Variants in MACROD2 observed in about 807,000 individuals in gnomAD.
MACROD2 encodes the protein ADP-ribose glycohydrolase MACROD2.
A neutral mutation model predicts 70.4 loss-of-function variants in MACROD2; 36 were observed. The ratio of observed to expected loss-of-function variants is 0.51; its 90% CI spans 0.39 to 0.68. The LOEUF is 0.68. Among genes scored for constraint, MACROD2 ranks in the 30% least tolerant of loss-of-function variants. The pLI is 0.00. For missense variants in MACROD2, 496 were observed against 538.4 expected, an observed-to-expected ratio of 0.92 and a Z score of 0.78; for synonymous variants, 172 against 178.8, an observed-to-expected ratio of 0.96 and a Z score of 0.30.
chr20:14,294,635 A>T (rs1291212438), intron 3 of MACROD2, among the ~76,000 whole-genome samples: 1 of 151,830 alleles, frequency 6.6e-6, no homozygotes, highest in East Asian at 1.9e-4. Context: ...CTACGGCATA[A>T]CGTGTATATC....
intron 5 of MACROD2, among the ~76,000 whole-genome samples, chr20:15,171,986 T>C (rs1432262674): frequency 6.6e-6 from 1 of 152,194 alleles, no homozygotes; most frequent in Non-Finnish European, 1.5e-5. Flanking sequence ...AAAAAATGAA[T>C]GAATGAATAC....
At chr20:14,687,563 A>T (rs2071016774) in intron 5 of MACROD2, among the ~76,000 whole-genome samples, 1 of 152,194 alleles carries the variant, frequency 6.6e-6, no homozygotes, top group Non-Finnish European at 1.5e-5. Context: ...TTTCATGGGC[A>T]TCCTGGGGCA....
intron 5 of MACROD2, among the ~76,000 whole-genome samples, chr20:14,833,133 A>G (rs1241198868): frequency 6.6e-6 from 1 of 152,190 alleles, no homozygotes; most frequent in Non-Finnish European, 1.5e-5. Flanking sequence ...AAGTGTAAAT[A>G]GCCATATATA....
At chr20:14,669,081 A>C (rs2070767488) in intron 4 of MACROD2, among the ~76,000 whole-genome samples, 1 of 152,194 alleles carries the variant, frequency 6.6e-6, no homozygotes, top group Non-Finnish European at 1.5e-5. Flanking sequence ...TTATTTCTTC[A>C]TGTGACAATC....
intron 2 of MACROD2, among the ~76,000 whole-genome samples, chr20:14,063,578 A>T (rs780225943): frequency 9.9e-5 from 15 of 152,162 alleles, no homozygotes; most frequent in African/African-American, 3.6e-4. Flanking sequence ...ACTTAACATA[A>T]ACTTTGTTTA....
At chr20:14,340,579 T>A (rs2083003007) in intron 3 of MACROD2, among the ~76,000 whole-genome samples, 1 of 152,084 alleles carries the variant, frequency 6.6e-6, no homozygotes, top group Non-Finnish European at 1.5e-5. Context: ...GAGCATTTCA[T>A]TGATTTTTTT....
intron 5 of MACROD2, among the ~76,000 whole-genome samples, chr20:15,030,664 G>T (rs1457427204): frequency 1.4e-5 from 2 of 148,084 alleles, no homozygotes; most frequent in East Asian, 1.9e-4. Flanking sequence ...TAGATAGATA[G>T]ACAGATAGAT....
At chr20:15,349,088 T>C (rs1189235985) in intron 6 of MACROD2, among the ~76,000 whole-genome samples, 2 of 152,224 alleles carry the variant, frequency 1.3e-5, no homozygotes, top group Non-Finnish European at 2.9e-5. Context: ...AATTTTAGCA[T>C]GCACCCAGAT....
intron 8 of MACROD2, among the ~76,000 whole-genome samples, chr20:15,833,218 T>C (rs1342515793): frequency 6.6e-6 from 1 of 152,176 alleles, no homozygotes; most frequent in African/African-American, 2.4e-5. Context: ...AATTGATGGC[T>C]GAAAATAGAA....
intron 7 of MACROD2, among the ~76,000 whole-genome samples, chr20:15,436,497 CTACAGGAGGAGATT>C (rs947792142): frequency 3.3e-5 from 5 of 151,978 alleles, no homozygotes; most frequent in African/African-American, 1.2e-4. Flanking sequence ...ATTATGGGAG[CTACAGGAGGAGATT>C]TGGGTGGGGA....
Position 14,146,727 on chromosome 20 carries a change from A to G in MACROD2, c.271+60999A>G, listed in dbSNP as rs144425070. Among the ~76,000 whole-genome samples the G allele has an allele frequency of 1.7e-4, 26 of 152,336 alleles. No homozygotes were observed. In the East Asian group the frequency reaches 4.3e-3, roughly 25 times the overall value. ...TAAAAGATGGATTGATACTTCTTTC[A>G]TCCTATCAGCCTTTTAGATTGATAG... On this transcript the variant is annotated intron_variant, in intron 3 of 17. Transcript: ENST00000684519.
chr20:14,814,575 G>A (rs1474172164), intron 5 of MACROD2, among the ~76,000 whole-genome samples: 1 of 152,000 alleles, frequency 6.6e-6, no homozygotes, highest in Admixed American at 6.6e-5. Flanking sequence ...CATCAGTAGA[G>A]AGAAATGGGT....
rs957041252 is a variant in MACROD2, at chr20:15,065,394, G to A, written c.419-164546G>A. 1.2e-4 allele frequency among the ~76,000 whole-genome samples: 19 copies of A among 152,188 alleles called. 1 individual carries two copies. The highest frequency in any genetic ancestry group is 3.9e-4 in the African/African-American group (16 of 41,530). On this transcript the variant is annotated intron_variant, in intron 5 of 17. Coordinates refer to ENST00000684519, the MANE Select transcript of MACROD2 (RefSeq NM_001351661.2). ...AAGTAGGCAGGGCGCGGTGGCTCACGCCTGTAATCCCAGCACTTTGGGAGG... is the reference window on the plus strand; with the variant it reads ...AAGTAGGCAGGGCGCGGTGGCTCACACCTGTAATCCCAGCACTTTGGGAGG...
chr20:15,111,380 C>G lies in MACROD2; in HGVS notation c.419-118560C>G, dbSNP rs570004437. Among the ~76,000 whole-genome samples the G allele has an allele frequency of 4.6e-5, 7 of 152,168 alleles. No individual in the cohort carries two copies. In the East Asian group the frequency reaches 1.2e-3, roughly 25 times the overall value. On this transcript the variant is annotated intron_variant, in intron 5 of 17. Coordinates refer to ENST00000684519, the MANE Select transcript of MACROD2 (RefSeq NM_001351661.2). ...TAGAGATGGGTTTCACCATGTTGGC[C>G]AGGCTGGTCTTGATCTCTTGACCTC...
intron 3 of MACROD2, among the ~76,000 whole-genome samples, chr20:14,480,377 C>T (rs1356754593): frequency 6.6e-6 from 1 of 152,092 alleles, no homozygotes. Flanking sequence ...ATATTAAATA[C>T]TTCTTTTGGT....
At chr20:14,491,853 A>G (rs2084798809) in intron 3 of MACROD2, among the ~76,000 whole-genome samples, 1 of 152,234 alleles carries the variant, frequency 6.6e-6, no homozygotes, top group Non-Finnish European at 1.5e-5. Context: ...ATGGAGTCCC[A>G]GGGAACTGGA....
intron 2 of MACROD2, among the ~76,000 whole-genome samples, chr20:14,065,582 G>A (rs971293145): frequency 6.6e-6 from 1 of 152,142 alleles, no homozygotes; most frequent in East Asian, 1.9e-4. Flanking sequence ...GACGTTTATT[G>A]TGCTTTTACT....
At chr20:14,524,385 T>G (rs2085205835) in intron 4 of MACROD2, among the ~76,000 whole-genome samples, 1 of 152,252 alleles carries the variant, frequency 6.6e-6, no homozygotes, top group Non-Finnish European at 1.5e-5. Flanking sequence ...TTAACCACTT[T>G]CTCTATCTTT....
In MACROD2 at chr20:14,071,252, G is replaced by GTTTTTTTTTTTT. The variant is rs59052053; in HGVS notation, c.164-14354_164-14343dup. On this transcript the variant is annotated intron_variant, in intron 2 of 17. Coordinates refer to ENST00000684519, the MANE Select transcript of MACROD2 (RefSeq NM_001351661.2). ...GACAGTATTGGCCATTTCATCTTGT[G>GTTTTTTTTTTTT]TTTTTTTTTTTTTTTTTTTTTTTTT... Among the ~76,000 whole-genome samples the GTTTTTTTTTTTT allele has an allele frequency of 1.1e-3, 72 of 63,956 alleles. 21 individuals carry two copies. The highest frequency in any genetic ancestry group is 2.0e-3 in the South Asian group (3 of 1,506). The allele number at this position is 63,956 out of a possible 152,430, so 42.0% of individuals were successfully genotyped here. A position where few individuals can be genotyped will look rare whatever the true frequency, so the allele number is the denominator to read the frequency against.
Sources: gnomAD v4.1 joint callset for allele counts (sites outside exome capture counted in the v4.1 genomes callset) on GRCh38, gnomAD v4.1.1 for gene constraint, MANE v1.5 for transcripts, NCBI Gene and HGNC (gene_info 2026-07-23, HGNC 2026-07-21) for gene names.